SLC6A5: variants seen among roughly 807,000 people sequenced by gnomAD.
The protein encoded by SLC6A5 is sodium- and chloride-dependent glycine transporter 2.
Under a neutral mutation model 90.5 loss-of-function variants are expected in SLC6A5, and 58 were observed. The ratio of observed to expected loss-of-function variants is 0.64; its 90% CI spans 0.52 to 0.80. The LOEUF is 0.80. Ranked by LOEUF, SLC6A5 falls within the 30% of genes least tolerant of loss-of-function variation. The probability of loss-of-function intolerance (pLI) is 0.00; values close to 1 mark genes in which losing one functional copy is unlikely to be tolerated. For synonymous variants in SLC6A5, 427 were observed against 401.4 expected (o/e 1.06, Z -0.76); for missense variants, 1,015 against 1,017.6 (o/e 1.00, Z 0.03).
intron 5 of SLC6A5, among the ~76,000 whole-genome samples, chr11:20,611,733 T>C (rs1038973185): frequency 2.6e-5 from 4 of 150,954 alleles, no homozygotes; most frequent in Non-Finnish European, 4.4e-5. Context: ...TATCTCATTC[T>C]TACCCAGTGG....
chr11:20,656,518 T>TA lies in SLC6A5; in HGVS notation c.*1654dup, dbSNP rs1565293481. 1 of 152,174 alleles carries TA rather than the reference T, an allele frequency of 6.6e-6. No individual in the cohort carries two copies. The highest frequency in any genetic ancestry group is 2.4e-5 in the African/African-American group (1 of 41,428). 9.4% of individuals were successfully genotyped at this position (152,174 alleles called of 1,614,324 possible). On this transcript the variant is annotated 3_prime_UTR_variant, in exon 16 of 16. Coordinates refer to ENST00000525748, the MANE Select transcript of SLC6A5 (RefSeq NM_004211.5). ...ACAGGCTTTAATGTACATTTTTTTTTAAAAGATTTCATTTGTTAAAAAAAG... is the reference window on the plus strand; with the variant it reads ...ACAGGCTTTAATGTACATTTTTTTTTAAAAAGATTTCATTTGTTAAAAAAAG...
chr11:20,603,283 C>T (rs1253245289), intron 2 of SLC6A5, among the ~76,000 whole-genome samples: 3 of 152,136 alleles, frequency 2.0e-5, no homozygotes, highest in East Asian at 3.9e-4. Flanking sequence ...GTCTAGGTGT[C>T]CTGAACATTT....
rs1317087079 is a variant in SLC6A5, at chr11:20,657,249, T to G, written c.*2381T>G. On this transcript the variant is annotated 3_prime_UTR_variant, in exon 16 of 16. Coordinates refer to ENST00000525748, the MANE Select transcript of SLC6A5 (RefSeq NM_004211.5). The stretch of plus-strand genomic sequence containing the variant: ...GGGCTCCCACAGATGCTGCCAGGTT[T>G]GTTTTGTACAAACTGAAAGTTAACT... 1 of 152,226 alleles carries G rather than the reference T, an allele frequency of 6.6e-6. No individual in the cohort carries two copies. The highest frequency in any genetic ancestry group is 1.5e-5 in the Non-Finnish European group (1 of 68,048). The allele number at this position is 152,226 out of a possible 1,614,324, so 9.4% of individuals were successfully genotyped here.
At chr11:20,608,922 GTCTCTCTCTCTCTC>G (rs138477311) in intron 5 of SLC6A5, among the ~76,000 whole-genome samples, 3,196 of 131,626 alleles carry the variant, frequency 0.024, 136 homozygotes, top group African/African-American at 0.085. Flanking sequence ...CTGTCTGTCT[GTCTCTCTCTCTCTC>G]TCTCTCTCTC....
chr11:20,632,749 G>A (rs1167135282), intron 10 of SLC6A5, among the ~76,000 whole-genome samples: 1 of 152,180 alleles, frequency 6.6e-6, no homozygotes, highest in Admixed American at 6.5e-5. Flanking sequence ...TTTGGGGTCA[G>A]GCCTGCATTC....
Position 20,648,379 on chromosome 11 carries a change from T to A in SLC6A5, c.2070+1445T>A, listed in dbSNP as rs371211881. ...CAATTTCTTTCTGAAAAGCTAGAAA[T>A]GTAGACAGAAAAATCGTTCAGCATT... On this transcript the variant is annotated intron_variant, in intron 14 of 15. Coordinates refer to ENST00000525748, the MANE Select transcript of SLC6A5 (RefSeq NM_004211.5). Among the ~76,000 whole-genome samples the A allele has an allele frequency of 3.3e-4, 51 of 152,294 alleles. 1 individual carries two copies. Among genetic ancestry groups the A allele is most frequent in the African/African-American group, 9.4e-4 (39 of 41,552 alleles).
intron 7 of SLC6A5, among the ~76,000 whole-genome samples, chr11:20,620,501 T>C (rs1019098011): frequency 6.6e-6 from 1 of 152,258 alleles, no homozygotes; most frequent in Non-Finnish European, 1.5e-5. Context: ...TGTTCATTAT[T>C]CTGAATGGCT....
intron 7 of SLC6A5, among the ~76,000 whole-genome samples, chr11:20,623,021 C>A (rs1183530492): frequency 6.6e-6 from 1 of 152,150 alleles, no homozygotes. Context: ...CTTCACTTCT[C>A]CTTAGACTTC....
rs149535690 is a variant in SLC6A5 at position 20,655,028 on chromosome 11, C to T, written c.*160C>T. The stretch of plus-strand genomic sequence containing the variant: ...TTATGTAGAAAAGTAGGCATAGTGT[C>T]GCATGCTGCAGTAAAGAGCTACATA... On this transcript the variant is annotated 3_prime_UTR_variant, in exon 16 of 16. Coordinates refer to ENST00000525748, the MANE Select transcript of SLC6A5 (RefSeq NM_004211.5). 27 of 814,590 alleles carry T rather than the reference C, an allele frequency of 3.3e-5. No homozygotes were observed. The highest frequency in any genetic ancestry group is 1.8e-4 in the East Asian group (7 of 39,370). 50.5% of individuals were successfully genotyped at this position (814,590 alleles called of 1,614,324 possible).
chr11:20,601,643 G>C lies in SLC6A5; in HGVS notation c.518G>C (p.Ser173Thr), dbSNP rs1213892306. 6.2e-7 allele frequency: 1 copy of C among 1,613,942 alleles called. No individual in the cohort carries two copies. The highest frequency in any genetic ancestry group is 1.1e-5 in the South Asian group (1 of 91,066). The change falls in exon 2 of 16, where the codon AGC becomes ACC. Residue 173 changes from serine (S) to threonine (T), a missense_variant. By Grantham distance (58) the Ser-to-Thr change is moderately conservative. Transcript: ENST00000525748. Reference protein sequence around the residue: ...TDGITSVLPGSVATVATQEDE... With the variant: ...TDGITSVLPGTVATVATQEDE... ...GGAATCACGTCCGTGCTCCCGGGCAGCGTGGCCACCGTTGCCACCCAGGTA... is the reference window on the plus strand; with the variant it reads ...GGAATCACGTCCGTGCTCCCGGGCACCGTGGCCACCGTTGCCACCCAGGTA...
intron 13 of SLC6A5, among the ~76,000 whole-genome samples, chr11:20,643,061 T>G (rs1853343698): frequency 6.6e-6 from 1 of 152,180 alleles, no homozygotes; most frequent in Non-Finnish European, 1.5e-5. Context: ...CCCCTCCTCT[T>G]ACAGGAGGCT....
At chr11:20,615,007 A>T (rs559203021) in intron 6 of SLC6A5, among the ~76,000 whole-genome samples, 187 bp downstream of exon 6, 11 of 152,236 alleles carry the variant, frequency 7.2e-5, no homozygotes, top group Non-Finnish European at 1.6e-4. Context: ...GAGCTGGATG[A>T]ATGACAGCAG....
intron 3 of SLC6A5, 46 bp from the exon 4 acceptor site, chr11:20,606,961 C>A (rs1852593222): frequency 1.9e-6 from 3 of 1,613,492 alleles, no homozygotes; most frequent in East Asian, 4.5e-5. Flanking sequence ...AGGGCAGCAG[C>A]CTGCTTTTGC....
At chr11:20,608,948 CTCTCTCTCTCTGTGTGTGTGTG>C (rs1565273604) in intron 5 of SLC6A5, among the ~76,000 whole-genome samples, 19 of 74,410 alleles carry the variant, frequency 2.6e-4, no homozygotes, top group African/African-American at 6.6e-4. Flanking sequence ...CTCTCTCTCT[CTCTCTCTCTCTGTGTGTGTGTG>C]TGTGTGTGTG....
chr11:20,608,456 C>T (rs938637605), intron 5 of SLC6A5, among the ~76,000 whole-genome samples: 7 of 152,184 alleles, frequency 4.6e-5, no homozygotes, highest in African/African-American at 1.7e-4. Context: ...GTAACTCTCT[C>T]TGGATCTGTT....
intron 3 of SLC6A5, among the ~76,000 whole-genome samples, chr11:20,605,412 C>G (rs78068891): frequency 0.063 from 9,589 of 152,260 alleles, 677 homozygotes; most frequent in East Asian, 0.35. Context: ...CCACTACTCC[C>G]GTCCTCTCCA....
At chr11:20,643,400 T>C (rs930224275) in intron 13 of SLC6A5, among the ~76,000 whole-genome samples, 4 of 152,144 alleles carry the variant, frequency 2.6e-5, no homozygotes, top group South Asian at 2.1e-4. Context: ...TAAAGGAGAC[T>C]AACAAATCCA....
intron 13 of SLC6A5, among the ~76,000 whole-genome samples, chr11:20,639,533 C>A (rs943380293): frequency 6.6e-6 from 1 of 152,076 alleles, no homozygotes; most frequent in African/African-American, 2.4e-5. Flanking sequence ...GGGGTCTAGG[C>A]CAGAGGGGTC....
At position 20,626,813 on chromosome 11, in the gene SLC6A5, C is replaced by G. The variant is rs151291192; in HGVS notation, c.1366C>G (p.Pro456Ala). ...AGAGIWYFIT[P>A]KWEKLTDATV... is the part of the protein sequence containing the mutation. ...AGCTGGGATCTGGTACTTCATCACA[C>G]CCAAGTGGGAGAAACTCACGGATGC... Residue 456 changes from proline (P) to alanine (A), a missense_variant, in exon 8 of 16, where the codon CCC becomes GCC. By Grantham distance (27) the Pro-to-Ala change is conservative (BLOSUM62 -1). Coordinates refer to ENST00000525748, the MANE Select transcript of SLC6A5 (RefSeq NM_004211.5). 2 of 1,613,902 alleles carry G rather than the reference C, an allele frequency of 1.2e-6. No individual in the cohort carries two copies. Among genetic ancestry groups the G allele is most frequent in the African/African-American group, 1.3e-5 (1 of 74,942 alleles).
Sources: allele counts gnomAD v4.1 joint callset (sites outside exome capture counted in the v4.1 genomes callset), GRCh38; gene constraint gnomAD v4.1.1; transcripts MANE v1.5; gene names NCBI Gene and HGNC (gene_info 2026-07-23, HGNC 2026-07-21).